The following DSPP variants were observed in gnomAD, a reference collection of about 807,000 sequenced individuals.
The protein encoded by DSPP is dentin sialophosphoprotein.
A neutral mutation model predicts 29.1 loss-of-function variants in DSPP; 28 were observed. The observed-to-expected ratio is 0.96, with a 90% confidence interval of 0.71 to 1.32. The LOEUF (loss-of-function observed/expected upper bound fraction) is 1.32. Ranked by LOEUF, DSPP falls within the 40% of genes most tolerant of loss-of-function variation. The pLI, the probability that DSPP is intolerant of heterozygous loss-of-function variation, is 0.00. For missense variants in DSPP, 1,281 were observed against 1,629.9 expected (o/e 0.79, Z 3.69); for synonymous variants, 481 against 503.4 (o/e 0.96, Z 0.60).
chr4:87,610,925 A>G lies in DSPP; in HGVS notation c.17A>G (p.Tyr6Cys). The G allele has an allele frequency of 6.2e-7, 1 of 1,613,542 alleles. No homozygotes were observed. Among genetic ancestry groups the G allele is most frequent in the Non-Finnish European group, 8.5e-7 (1 of 1,179,624 alleles). ...CTAAAGAAAATGAAGATAATTACAT[A>G]TTTTTGCATTTGGGCAGTAGCATGG... MKIIT[Y>C]FCIWAVAWAI... The change falls in exon 2 of 5, where the codon TAT (tyrosine) becomes TGT (cysteine). Residue 6 changes from tyrosine (Y) to cysteine (C), a missense_variant. Physicochemically the swap from Tyr to Cys is radical, Grantham distance 194. Around this residue, in one of 4 missense-constraint regions of DSPP, gnomAD observed 631 missense variants for 643.2 expected, o/e 0.98. Coordinates refer to ENST00000651931, the MANE Select transcript of DSPP (RefSeq NM_014208.3).
Position 87,615,861 on chromosome 4 carries a change from A to T in DSPP, c.3199A>T (p.Ser1067Cys), listed in dbSNP as rs1727897154. Residue 1067 changes from serine (S) to cysteine (C), a missense_variant, in exon 5 of 5, where the codon AGT (serine) becomes TGT (cysteine). This residue lies in a region of DSPP where 72 missense variants were observed against 190.3 expected (regional missense o/e 0.38). Transcript: ENST00000651931. ...SSDSSDSSDS[S>C]DSSDSSDSSD... Reference sequence around the variant, plus strand: ...TGACAGCAGTGACAGCAGCGACAGCAGTGATAGCAGTGACAGCAGTGACAG... The same window carrying T: ...TGACAGCAGTGACAGCAGCGACAGCTGTGATAGCAGTGACAGCAGTGACAG... The T allele has an allele frequency of 6.5e-7, 1 of 1,546,570 alleles. No individual in the cohort carries two copies. The highest frequency in any genetic ancestry group is 8.7e-7 in the Non-Finnish European group (1 of 1,144,828).
In DSPP at chr4:87,613,312, A is replaced by G. The variant is rs1414612732; in HGVS notation, c.1122+4A>G. Reference sequence around the variant, plus strand: ...TGTTGGGAAGAGCCAAGATAAGGTTAGTTTGTAAAGCTGATTTCTTTCAAT... The same window carrying G: ...TGTTGGGAAGAGCCAAGATAAGGTTGGTTTGTAAAGCTGATTTCTTTCAAT... On this transcript the variant is annotated splice_donor_region_variant and intron_variant, in intron 4 of 4. Coordinates refer to ENST00000651931, the MANE Select transcript of DSPP (RefSeq NM_014208.3). 5 of 1,613,096 alleles carry G rather than the reference A, an allele frequency of 3.1e-6. No individual in the cohort carries two copies. Among genetic ancestry groups the G allele is most frequent in the Non-Finnish European group, 4.2e-6 (5 of 1,179,984 alleles).
chr4:87,615,096 A>T lies in DSPP; in HGVS notation c.2434A>T (p.Ser812Cys), dbSNP rs1326006466. The change falls in exon 5 of 5, where the codon AGC becomes TGC. Residue 812 changes from serine to cysteine, a missense_variant. By Grantham distance (112) the Ser-to-Cys change is moderately radical. Coordinates refer to ENST00000651931, the MANE Select transcript of DSPP (RefSeq NM_014208.3). ...CAGCAACAGCAGTGATAGCAGTGAT[A>T]GCAGTGACAGCAGTGATAGCGACAG... Reference protein sequence around the residue: ...DSSNSSDSSDSSDSSDSDSSN... With the variant: ...DSSNSSDSSDCSDSSDSDSSN... 2.6e-6 allele frequency: 4 copies of T among 1,551,362 alleles called. No homozygotes were observed. The African/African-American group carries it at 5.5e-5, about 21-fold the overall frequency.
rs1363808872 is a variant in DSPP at position 87,614,535 on chromosome 4, G to T, written c.1873G>T (p.Asp625Tyr). 5.8e-6 allele frequency: 9 copies of T among 1,548,092 alleles called. No individual in the cohort carries two copies. The Admixed American group carries it at 1.8e-4, about 31-fold the overall frequency. Residue 625 changes from aspartate to tyrosine, a missense_variant, in exon 5 of 5, where the codon GAC (aspartate) becomes TAC (tyrosine). By Grantham distance (160) the Asp-to-Tyr change is radical. This residue lies in a region of DSPP where 444 missense variants were observed against 611.4 expected (regional missense o/e 0.73). Coordinates refer to ENST00000651931, the MANE Select transcript of DSPP (RefSeq NM_014208.3). Reference sequence around the variant, plus strand: ...TAGTGACAGCAGTGACAGCAAGTCAGACAGCAGCAAATCAGAGAGCGACAG... The same window carrying T: ...TAGTGACAGCAGTGACAGCAAGTCATACAGCAGCAAATCAGAGAGCGACAG... ...DSSDSSDSKSDSSKSESDSSD... is the reference protein window; with the variant it reads ...DSSDSSDSKSYSSKSESDSSD...
Position 87,616,526 on chromosome 4 carries a change from C to G in DSPP, c.3864C>G (p.Asp1288Glu), listed in dbSNP as rs568424478. The change falls in exon 5 of 5, where the codon GAC becomes GAG. Residue 1288 changes from aspartate (D) to glutamate (E), a missense_variant. By Grantham distance (45) the Asp-to-Glu change is conservative. Around this residue, in one of 4 missense-constraint regions of DSPP, gnomAD observed 134 missense variants for 185.0 expected, o/e 0.72. Transcript: ENST00000651931. ...ACAATGGAAGTGACAGTGACAGTGA[C>G]AGTGAAGGCAGTGACAGTAACCACT... ...GNNNGSDSDSDSEGSDSNHST... is the reference protein window; with the variant it reads ...GNNNGSDSDSESEGSDSNHST... 2 of 1,551,718 alleles carry G rather than the reference C, an allele frequency of 1.3e-6. No individual in the cohort carries two copies. Among genetic ancestry groups the G allele is most frequent in the African/African-American group, 2.7e-5 (2 of 73,166 alleles).
chr4:87,613,105 C>G lies in DSPP; in HGVS notation c.919C>G (p.Pro307Ala), dbSNP rs776563206. The G allele has an allele frequency of 7.4e-6, 12 of 1,613,774 alleles. No homozygotes were observed. The highest frequency in any genetic ancestry group is 1.3e-5 in the African/African-American group (1 of 74,816). The change falls in exon 4 of 5, where the codon CCT (proline) becomes GCT (alanine). Residue 307 changes from proline to alanine, a missense_variant. Physicochemically the swap from Pro to Ala is conservative, Grantham distance 27. Coordinates refer to ENST00000651931, the MANE Select transcript of DSPP (RefSeq NM_014208.3). ...QNSDSKEYYD[P>A]EGKEDPHNEV... ...TTCAGATAGTAAAGAATATTATGACCCTGAAGGCAAAGAAGATCCCCATAA... is the reference window on the plus strand; with the variant it reads ...TTCAGATAGTAAAGAATATTATGACGCTGAAGGCAAAGAAGATCCCCATAA...
chr4:87,609,597 T>C lies in DSPP; in HGVS notation c.-29+977T>C, dbSNP rs1464213597. ...ACAGCTATAAGAATGAGCACTTTTTTCCCCCTCAGTAGCTCTGGAACTGTG... is the reference window on the plus strand; with the variant it reads ...ACAGCTATAAGAATGAGCACTTTTTCCCCCCTCAGTAGCTCTGGAACTGTG... On this transcript the variant is annotated intron_variant, in intron 1 of 4. Transcript: ENST00000651931. Among the ~76,000 whole-genome samples the C allele has an allele frequency of 2.0e-5, 3 of 152,242 alleles. No individual in the cohort carries two copies. The East Asian group carries it at 5.8e-4, about 29-fold the overall frequency.
rs770207125 is a variant in DSPP at position 87,614,681 on chromosome 4, TAGC to T, written c.2022_2024del (p.Ser675del). Reference sequence around the variant, plus strand: ...GCAGTGATAGTAGTGACAGCAGTGATAGCAGTGACAGCAGCAGTAGCAGTGACA... The same window carrying T: ...GCAGTGATAGTAGTGACAGCAGTGATAGTGACAGCAGCAGTAGCAGTGACA... On this transcript the variant is annotated inframe_deletion, in exon 5 of 5. Coordinates refer to ENST00000651931, the MANE Select transcript of DSPP (RefSeq NM_014208.3). 29 of 1,485,986 alleles carry T rather than the reference TAGC, an allele frequency of 2.0e-5. No homozygotes were observed. The Admixed American group carries it at 2.7e-4, about 14-fold the overall frequency. 92.1% of individuals were successfully genotyped at this position (1,485,986 alleles called of 1,614,324 possible). A position where few individuals can be genotyped will look rare whatever the true frequency, so the allele number is the denominator to read the frequency against.
chr4:87,610,843 C>A (rs1276529808), intron 1 of DSPP, 38 bp from the exon 2 acceptor site: 2 of 1,394,642 alleles, frequency 1.4e-6, no homozygotes, highest in Non-Finnish European at 2.0e-6. Context: ...TTTCCCTTTA[C>A]TTTATAAGTA....
chr4:87,611,044 T>TGTGC, intron 2 of DSPP, 85 bp downstream of exon 2: 1 of 1,108,734 alleles, frequency 9.0e-7, no homozygotes, highest in Non-Finnish European at 1.4e-6. Context: ...TGTGTGTGTG[T>TGTGC]GTGTGTGTGT....
Position 87,614,351 on chromosome 4 carries a change from T to C in DSPP, c.1689T>C (p.Ser563=). 6.2e-7 allele frequency: 1 copy of C among 1,603,054 alleles called. No individual in the cohort carries two copies. Among genetic ancestry groups the C allele is most frequent in the Non-Finnish European group, 8.5e-7 (1 of 1,174,240 alleles). The change falls in exon 5 of 5, where the codon AGT becomes AGC. Residue 563 remains serine, a synonymous_variant. Transcript: ENST00000651931. The stretch of plus-strand genomic sequence containing the variant: ...GTGATAGCAGCAATAGCAGTGATAG[T>C]AGTGACAGCAGTGACAGTGACAGCA... ...DSSDSSNSSD[S]SDSSDSDSSD...
Position 87,614,619 on chromosome 4 carries a change from AAC to A in DSPP, c.1959_1960del (p.Asn653LysfsTer2). 1 of 1,548,272 alleles carries A rather than the reference AAC, an allele frequency of 6.5e-7. No individual in the cohort carries two copies. The highest frequency in any genetic ancestry group is 8.7e-7 in the Non-Finnish European group (1 of 1,144,304). On this transcript the variant is annotated frameshift_variant, in exon 5 of 5. Transcript: ENST00000651931. LOFTEE classifies it low-confidence loss of function (END_TRUNC). The stretch of plus-strand genomic sequence containing the variant: ...CAGCAACAGCAGTGACAGTAGTGAC[AAC>A]AGTGATAGCAGCGACAGCAGCAATA... ...SDSNSSDSSDNSDSSDSSNSS... is the reference protein window; with the variant it reads ...SDSNSSDSSDXSDSSDSSNSS...
Position 87,615,355 on chromosome 4 carries a change from G to A in DSPP, c.2693G>A (p.Ser898Asn), listed in dbSNP as rs371094346. Residue 898 changes from serine to asparagine, a missense_variant, in exon 5 of 5, where the codon AGC becomes AAC. Transcript: ENST00000651931. The stretch of plus-strand genomic sequence containing the variant: ...AATAGCAGTGACAGCAGTGATAGCA[G>A]CAACAGCAGTGATAGTGACAGCAGT... The part of the protein sequence containing the change: ...SSNSSDSSDS[S>N]NSSDSDSSDS... 3 of 1,524,476 alleles carry A rather than the reference G, an allele frequency of 2.0e-6. No individual in the cohort carries two copies. The African/African-American group carries it at 4.2e-5, about 21-fold the overall frequency. 94.4% of individuals were successfully genotyped at this position (1,524,476 alleles called of 1,614,324 possible).
Position 87,615,039 on chromosome 4 carries a change from G to GACAGCAGCGATAGCAGCA in DSPP, c.2384_2385insCGATAGCAGCAACAGCAG (p.Asn805_Ser810dup), listed in dbSNP as rs1727841151. 6.5e-7 allele frequency: 1 copy of GACAGCAGCGATAGCAGCA among 1,549,610 alleles called. No homozygotes were observed. The highest frequency in any genetic ancestry group is 2.0e-5 in the Admixed American group (1 of 50,800). On this transcript the variant is annotated inframe_insertion, in exon 5 of 5. Transcript: ENST00000651931. ...TAGCAACGACAGCAGCAATAGCAGT[G>GACAGCAGCGATAGCAGCA]ACAGCAGTGATAGCAGCAACAGCAG... is the stretch of plus-strand genomic sequence containing the variant.
rs766567353 is a variant in DSPP, at chr4:87,614,241, A to G, written c.1579A>G (p.Asn527Asp). Residue 527 changes from asparagine (N) to aspartate (D), a missense_variant, in exon 5 of 5, where the codon AAT becomes GAT. Asn to Asp is a conservative substitution (Grantham distance 23, BLOSUM62 1). Transcript: ENST00000651931. ...STSDTNNSDS[N>D]GNGNNGNDDN... ...ATCAGACACTAATAATAGTGACAGT[A>G]ATGGCAATGGTAACAATGGGAATGA... The G allele has an allele frequency of 6.8e-6, 11 of 1,614,288 alleles. No homozygotes were observed. Among genetic ancestry groups the G allele is most frequent in the Non-Finnish European group, 9.3e-6 (11 of 1,180,056 alleles).
At chr4:87,612,011 T>G (rs1479315777) in intron 2 of DSPP, 94 bp from the exon 3 acceptor site, 4 of 1,068,226 alleles carry the variant, frequency 3.7e-6, no homozygotes, top group Admixed American at 1.9e-5. Flanking sequence ...GGAAGAATAT[T>G]TGTGTGTGTG....
chr4:87,609,197 A>G (rs905648619), intron 1 of DSPP, among the ~76,000 whole-genome samples: 1 of 152,142 alleles, frequency 6.6e-6, no homozygotes, highest in African/African-American at 2.4e-5. Context: ...TAGTCTTCGA[A>G]GTCATTCACC....
intron 2 of DSPP, 113 bp from the exon 3 acceptor site, chr4:87,611,992 T>C (rs1727742259): frequency 8.4e-7 from 1 of 1,192,660 alleles, no homozygotes; most frequent in Admixed American, 1.9e-5. Flanking sequence ...ACCTTTCTTC[T>C]TCATGGAGGG....
In DSPP at chr4:87,613,960, G is replaced by T. The variant is rs368812371; in HGVS notation, c.1298G>T (p.Gly433Val). The T allele has an allele frequency of 6.3e-5, 102 of 1,614,082 alleles. No individual in the cohort carries two copies. The highest frequency in any genetic ancestry group is 8.2e-5 in the Non-Finnish European group (97 of 1,180,042). The change falls in exon 5 of 5, where the codon GGA becomes GTA. Residue 433 changes from glycine (G) to valine (V), a missense_variant. Physicochemically the swap from Gly to Val is moderately radical, Grantham distance 109. This residue lies in a region of DSPP where 631 missense variants were observed against 643.2 expected (regional missense o/e 0.98). Transcript: ENST00000651931. ...GGACCTGGCCAAAAATCAGAACCAG[G>T]AAATAAAGTTGGACACAGCAATACA... ...IEGPGQKSEP[G>V]NKVGHSNTGS...
Sources: gnomAD v4.1 joint callset for allele counts (sites outside exome capture counted in the v4.1 genomes callset) on GRCh38, gnomAD v4.1.1 for gene constraint, gnomAD v4.1.1 regional missense constraint, MANE v1.5 for transcripts, NCBI Gene and HGNC (gene_info 2026-07-23, HGNC 2026-07-21) for gene names.